Variants in SPAM1 observed in about 807,000 individuals in gnomAD.
SPAM1 encodes sperm adhesion molecule 1.
Under a neutral mutation model 29.6 loss-of-function variants are expected in SPAM1, and 22 were observed. The ratio of observed to expected loss-of-function variants is 0.74; its 90% confidence interval spans 0.53 to 1.06. The LOEUF (loss-of-function observed/expected upper bound fraction) is 1.06. Ranked by LOEUF, SPAM1 falls within the 50% of genes least tolerant of loss-of-function variation. The pLI is 0.00. For missense variants in SPAM1, 534 were observed against 604.0 expected, an observed-to-expected ratio of 0.88 and a Z score of 1.21; for synonymous variants, 194 against 204.6, an observed-to-expected ratio of 0.95 and a Z score of 0.44.
downstream of SPAM1, among the ~76,000 whole-genome samples, chr7:123,962,797 T>C (rs1235423601): frequency 6.6e-6 from 1 of 152,016 alleles, no homozygotes; most frequent in Non-Finnish European, 1.5e-5. Flanking sequence ...TGGTTTCAGT[T>C]TTTTTGTACA....
chr7:123,949,639 G>A (rs1808697416), intron 1 of SPAM1, among the ~76,000 whole-genome samples: 1 of 151,318 alleles, frequency 6.6e-6, no homozygotes. Flanking sequence ...ACATAGTGGT[G>A]AATACTACAC....
Position 123,954,398 on chromosome 7 carries a change from CTA to C in SPAM1, c.830_831del (p.Tyr277CysfsTer16), listed in dbSNP as rs1792198381. The C allele has an allele frequency of 1.9e-6, 3 of 1,613,482 alleles. No homozygotes were observed. Among genetic ancestry groups the C allele is most frequent in the Non-Finnish European group, 1.7e-6 (2 of 1,179,658 alleles). On this transcript the variant is annotated frameshift_variant, in exon 3 of 5. Transcript: ENST00000682466. LOFTEE classifies it high-confidence loss of function. ...AGCAGTCTCCTGTAGCTGCTACACT[CTA>C]TGTGCGCAATCGAGTTCGGGAAGCC... ...TQQSPVAATLYVRNRVREAIR... is the reference protein window; with the variant it reads ...TQQSPVAATLXVRNRVREAIR...
chr7:123,968,138 T>G (rs1248753617), intron 5 of SPAM1, among the ~76,000 whole-genome samples: 1 of 151,986 alleles, frequency 6.6e-6, no homozygotes, highest in Non-Finnish European at 1.5e-5. Flanking sequence ...GAAAATAGCT[T>G]TACTGAGGTG....
At chr7:123,967,507 T>C (rs1263567363) in intron 5 of SPAM1, among the ~76,000 whole-genome samples, 1 of 152,030 alleles carries the variant, frequency 6.6e-6, no homozygotes, top group Non-Finnish European at 1.5e-5. Flanking sequence ...GTGATTGTTT[T>C]ATATATTCTT....
chr7:123,955,177 A>T lies in SPAM1; in HGVS notation c.1044+91A>T, dbSNP rs986727312. ...GGTATTAAATAAGAAAATAAGTAGTACTATGCTTGGCATGTAGTAATAGGT... is the reference window on the plus strand; with the variant it reads ...GGTATTAAATAAGAAAATAAGTAGTTCTATGCTTGGCATGTAGTAATAGGT... On this transcript the variant is annotated intron_variant, in intron 4 of 4. Transcript: ENST00000682466. 6 of 882,210 alleles carry T rather than the reference A, an allele frequency of 6.8e-6. No homozygotes were observed. In the South Asian group the frequency reaches 6.9e-5, roughly 10 times the overall value. 54.6% of individuals were successfully genotyped at this position (882,210 alleles called of 1,614,324 possible).
intron 4 of SPAM1, among the ~76,000 whole-genome samples, chr7:123,957,516 T>C (rs1227289693): frequency 1.3e-5 from 2 of 152,004 alleles, no homozygotes; most frequent in African/African-American, 4.8e-5. Flanking sequence ...AAAACACCAT[T>C]CAAAAATATT....
chr7:123,954,665 T>G, intron 3 of SPAM1, 141 bp downstream of exon 3: 1 of 627,230 alleles, frequency 1.6e-6, no homozygotes, highest in Non-Finnish European at 2.7e-6. Context: ...AACATTATTA[T>G]ATGAATGCAA....
chr7:123,963,946 T>G (rs1201582699), downstream of SPAM1, among the ~76,000 whole-genome samples: 1 of 151,974 alleles, frequency 6.6e-6, no homozygotes, highest in African/African-American at 2.4e-5. Flanking sequence ...CAATGATTAT[T>G]TATTTGGAGA....
chr7:123,967,170 C>G (rs1035770633), intron 5 of SPAM1, among the ~76,000 whole-genome samples: 3 of 151,956 alleles, frequency 2.0e-5, no homozygotes, highest in Non-Finnish European at 2.9e-5. Context: ...GCTTCTTCAA[C>G]AGTAACATTT....
intron 4 of SPAM1, 101 bp from the exon 5 acceptor site, chr7:123,959,383 T>C: frequency 1.3e-6 from 1 of 750,404 alleles, no homozygotes; most frequent in Non-Finnish European, 2.1e-6. Context: ...CTATCTCTGG[T>C]TTTCATTCTT....
rs760988335 is a variant in SPAM1 at position 123,959,751 on chromosome 7, T to TA, written c.1313dup (p.Tyr438Ter). 6.2e-7 allele frequency: 1 copy of TA among 1,613,272 alleles called. No individual in the cohort carries two copies. Among genetic ancestry groups the TA allele is most frequent in the Admixed American group, 1.7e-5 (1 of 59,860 alleles). The change falls in exon 5 of 5, where the codon TAT becomes TAAT. Residue 438 changes from tyrosine to a stop codon, truncating the protein, a stop_gained and frameshift_variant. Transcript: ENST00000682466. LOFTEE classifies it low-confidence loss of function (END_TRUNC). Reference protein sequence around the residue: ...QFSEKFYCSCYSTLSCKEKAD... With the variant: ...QFSEKFYCSC ...TTCTGAAAAATTTTATTGCAGCTGT[T>TA]ATAGCACCTTGAGTTGTAAGGAGAA...
chr7:123,944,858 TA>T (rs1162782903), intron 1 of SPAM1, among the ~76,000 whole-genome samples: 1 of 152,074 alleles, frequency 6.6e-6, no homozygotes, highest in Non-Finnish European at 1.5e-5. Flanking sequence ...GAACTTTGCA[TA>T]AAAAAATTAT....
intron 1 of SPAM1, among the ~76,000 whole-genome samples, chr7:123,927,179 C>T (rs529088496): frequency 3.3e-5 from 5 of 152,222 alleles, no homozygotes; most frequent in Admixed American, 1.3e-4. Flanking sequence ...ACTCCCTAGA[C>T]CTCTTAGGTA....
rs146297744 is a variant in SPAM1, at chr7:123,947,175, G to A, written c.-318-2697G>A. Among the ~76,000 whole-genome samples the A allele has an allele frequency of 5.6e-3, 854 of 152,130 alleles. 7 individuals carry two copies. Among genetic ancestry groups the A allele is most frequent in the African/African-American group, 0.019 (808 of 41,512 alleles). ...TTATTTTTCTTTTATAATAAATGCT[G>A]TATTTTCTTGAAAACTGTTCCATGA... On this transcript the variant is annotated intron_variant, in intron 1 of 4. Coordinates refer to ENST00000682466, the MANE Select transcript of SPAM1 (RefSeq NM_153189.3).
chr7:123,967,627 T>C (rs553801404), intron 5 of SPAM1, among the ~76,000 whole-genome samples: 1 of 152,042 alleles, frequency 6.6e-6, no homozygotes, highest in South Asian at 2.1e-4. Context: ...GGTGTATGCA[T>C]GTGTGTGTGA....
intron 5 of SPAM1, among the ~76,000 whole-genome samples, chr7:123,966,727 T>C (rs912563300): frequency 4.6e-5 from 7 of 151,980 alleles, no homozygotes; most frequent in Non-Finnish European, 8.8e-5. Context: ...TGAGAACACA[T>C]GGACACACTG....
intron 5 of SPAM1, among the ~76,000 whole-genome samples, chr7:123,968,781 G>T (rs114362335): frequency 0.015 from 2,302 of 152,068 alleles, 54 homozygotes; most frequent in African/African-American, 0.052. Context: ...GCTTGAGCAG[G>T]TTACATAACT....
chr7:123,968,646 G>C (rs1319181326), intron 5 of SPAM1, among the ~76,000 whole-genome samples: 2 of 151,890 alleles, frequency 1.3e-5, no homozygotes, highest in African/African-American at 4.8e-5. Flanking sequence ...AAAAAGATAA[G>C]GGCAGTGTCT....
Position 123,970,608 on chromosome 7 carries a change from A to AATAATTATT in SPAM1, c.*48+314_*48+315insAATTATTAT, listed in dbSNP as rs376690940. ...CATCTCTACAAATAATAATAATAAT[A>AATAATTATT]ATTATTATTATTATTATAGTAAGGC... On this transcript the variant is annotated intron_variant, in intron 6 of 6. Coordinates refer to the SPAM1 transcript ENST00000340011. Among the ~76,000 whole-genome samples, 1,354 of 147,232 alleles carry AATAATTATT rather than the reference A, an allele frequency of 9.2e-3. 27 individuals carry two copies. Among genetic ancestry groups the AATAATTATT allele is most frequent in the African/African-American group, 0.032 (1,267 of 40,000 alleles).
Sources: allele counts gnomAD v4.1 joint callset (sites outside exome capture counted in the v4.1 genomes callset), GRCh38; gene constraint gnomAD v4.1.1; transcripts MANE v1.5; gene names NCBI Gene and HGNC (gene_info 2026-07-23, HGNC 2026-07-21).